Variants in NUP205 observed in about 807,000 individuals in gnomAD.
NUP205 encodes nucleoporin 205, also known as nuclear pore complex protein Nup205.
Under a neutral mutation model 253.8 loss-of-function variants are expected in NUP205, and 76 were observed. That is an observed-to-expected ratio of 0.30 (90% CI 0.25 to 0.36). The LOEUF (loss-of-function observed/expected upper bound fraction) is 0.36. NUP205 is among the 10% of genes least tolerant of loss of function. The probability of loss-of-function intolerance (pLI) is 1.00; values close to 1 mark genes in which losing one functional copy is unlikely to be tolerated. For synonymous variants in NUP205, 832 were observed against 850.1 expected, an observed-to-expected ratio of 0.98 and a Z score of 0.37; for missense variants, 2,162 against 2,425.5, an observed-to-expected ratio of 0.89 and a Z score of 2.28.
At position 135,606,234 on chromosome 7, in the gene NUP205, T is replaced by G; in HGVS notation, c.2905+8T>G. The G allele has an allele frequency of 6.4e-7, 1 of 1,559,100 alleles. No individual in the cohort carries two copies. The highest frequency in any genetic ancestry group is 8.8e-7 in the Non-Finnish European group (1 of 1,130,266). On this transcript the variant is annotated splice_region_variant and intron_variant, in intron 20 of 42. Coordinates refer to ENST00000285968, the MANE Select transcript of NUP205 (RefSeq NM_015135.3). ...TTGTACGTCTGGAAGAGGGTATGCC[T>G]TAGATTAATGTGCATACACGCATTC...
Position 135,619,474 on chromosome 7 carries a change from G to A in NUP205, c.4015G>A (p.Val1339Met). The A allele has an allele frequency of 6.2e-7, 1 of 1,613,746 alleles. No homozygotes were observed. The highest frequency in any genetic ancestry group is 8.5e-7 in the Non-Finnish European group (1 of 1,180,010). Residue 1339 changes from valine to methionine, a missense_variant, in exon 29 of 43, where the codon GTG (valine) becomes ATG (methionine). By Grantham distance (21) the Val-to-Met change is conservative. Transcript: ENST00000285968. The stretch of plus-strand genomic sequence containing the variant: ...GTTAATGCCTGTGGTCGCCGGGGCA[G>A]TGTTCACACTGACTGCTCACCTAAG... ...QELMPVVAGA[V>M]FTLTAHLSQA...
Position 135,617,672 on chromosome 7 carries a change from T to A in NUP205, c.3761T>A (p.Leu1254Gln), listed in dbSNP as rs1376123354. Residue 1254 changes from leucine to glutamine, a missense_variant, in exon 27 of 43, where the codon CTA becomes CAA. This residue lies in a region of NUP205 where 1,144 missense variants were observed against 1,280.9 expected (regional missense o/e 0.89). Transcript: ENST00000285968. ...ATGGCAGCCATAGGACAGAGACCTCTACTAATGGAGGTAAGCTCTATTGAG... is the reference window on the plus strand; with the variant it reads ...ATGGCAGCCATAGGACAGAGACCTCAACTAATGGAGGTAAGCTCTATTGAG... ...QGMAAIGQRPLLMEEISTVLQ... is the reference protein window; with the variant it reads ...QGMAAIGQRPQLMEEISTVLQ... The A allele has an allele frequency of 6.2e-7, 1 of 1,602,004 alleles. No individual in the cohort carries two copies. Among genetic ancestry groups the A allele is most frequent in the Non-Finnish European group, 8.6e-7 (1 of 1,169,212 alleles).
At chr7:135,578,145 T>A in intron 6 of NUP205, 121 bp downstream of exon 6, 3 of 641,988 alleles carry the variant, frequency 4.7e-6, no homozygotes, top group Non-Finnish European at 8.1e-6. Context: ...GTGTTTGCAG[T>A]CCGTTCATAT....
intron 15 of NUP205, among the ~76,000 whole-genome samples, chr7:135,600,664 T>G (rs1318609158): frequency 6.6e-6 from 1 of 152,226 alleles, no homozygotes; most frequent in Non-Finnish European, 1.5e-5. Context: ...TGAAAATATT[T>G]TACCTTGAAA....
intron 41 of NUP205, 86 bp downstream of exon 41, chr7:135,645,682 C>A: frequency 2.2e-6 from 3 of 1,358,756 alleles, no homozygotes; most frequent in Non-Finnish European, 2.0e-6. Context: ...ATTTTTGTTT[C>A]CAGATTACTT....
intron 30 of NUP205, among the ~76,000 whole-genome samples, chr7:135,620,402 A>C (rs1794450450): frequency 6.6e-6 from 1 of 152,144 alleles, no homozygotes; most frequent in Admixed American, 6.5e-5. Flanking sequence ...CCATGGTGGC[A>C]GGCATCTGTA....
intron 1 of NUP205, among the ~76,000 whole-genome samples, chr7:135,567,349 A>T (rs1002425371): frequency 3.4e-5 from 5 of 146,626 alleles, no homozygotes; most frequent in African/African-American, 1.3e-4. Context: ...TGGGAAGGCC[A>T]AGGTGGGCAG....
At chr7:135,648,228 A>G (rs1323978666) in intron 42 of NUP205, among the ~76,000 whole-genome samples, 176 bp from the exon 43 acceptor site, 1 of 152,258 alleles carries the variant, frequency 6.6e-6, no homozygotes, top group Non-Finnish European at 1.5e-5. Flanking sequence ...AAAAAATTCT[A>G]AGGTAGAAAA....
chr7:135,609,848 T>G (rs181945340), intron 22 of NUP205, among the ~76,000 whole-genome samples: 1 of 152,298 alleles, frequency 6.6e-6, no homozygotes, highest in African/African-American at 2.4e-5. Context: ...GGGAACAAAT[T>G]TGATGTACAT....
chr7:135,609,722 C>T (rs1437492852), intron 22 of NUP205, among the ~76,000 whole-genome samples: 1 of 152,038 alleles, frequency 6.6e-6, no homozygotes, highest in Admixed American at 6.5e-5. Context: ...TAATCTCCTG[C>T]TTTTCTTTTT....
At position 135,619,485 on chromosome 7, in the gene NUP205, G is replaced by C; in HGVS notation, c.4026G>C (p.Leu1342=). 3 of 1,613,932 alleles carry C rather than the reference G, an allele frequency of 1.9e-6. No individual in the cohort carries two copies. Among genetic ancestry groups the C allele is most frequent in the Non-Finnish European group, 2.5e-6 (3 of 1,180,020 alleles). Residue 1342 remains leucine, a synonymous_variant, in exon 29 of 43, where the codon CTG becomes CTC. Coordinates refer to ENST00000285968, the MANE Select transcript of NUP205 (RefSeq NM_015135.3). ...MPVVAGAVFT[L]TAHLSQAVLT... Reference sequence around the variant, plus strand: ...TGGTCGCCGGGGCAGTGTTCACACTGACTGCTCACCTAAGCCAGGCCGTCC... The same window carrying C: ...TGGTCGCCGGGGCAGTGTTCACACTCACTGCTCACCTAAGCCAGGCCGTCC...
intron 34 of NUP205, among the ~76,000 whole-genome samples, chr7:135,629,944 G>A (rs1440277052): frequency 3.3e-5 from 5 of 152,120 alleles, no homozygotes; most frequent in Non-Finnish European, 7.4e-5. Flanking sequence ...GAATTCACTA[G>A]TCATTTTTAT....
chr7:135,601,226 A>G (rs1275527214), intron 16 of NUP205, 144 bp from the exon 17 acceptor site: 3 of 735,404 alleles, frequency 4.1e-6, no homozygotes, highest in Non-Finnish European at 6.6e-6. Flanking sequence ...CCTTAGGAGA[A>G]TTACTGCTGT....
chr7:135,607,335 G>A lies in NUP205; in HGVS notation c.3159G>A (p.Val1053=). 2 of 1,614,032 alleles carry A rather than the reference G, an allele frequency of 1.2e-6. No homozygotes were observed. The highest frequency in any genetic ancestry group is 2.2e-5 in the East Asian group (1 of 44,870). Residue 1053 remains valine (V), a synonymous_variant, in exon 22 of 43, where the codon GTG becomes GTA. Transcript: ENST00000285968. ...AAGGGAGAACAGGCCCAGTGGCGGT[G>A]CGAGAATCTCCTCAGCTGGCTGAGC... The part of the protein sequence containing the change: ...GTEGRTGPVA[V]RESPQLAELC...
At position 135,639,548 on chromosome 7, in the gene NUP205, G is replaced by A. The variant is rs933297247; in HGVS notation, c.5392+865G>A. 9.9e-5 allele frequency among the ~76,000 whole-genome samples: 15 copies of A among 152,002 alleles called. 1 individual carries two copies. The highest frequency in any genetic ancestry group is 6.8e-3 in the Middle Eastern group (2 of 294). On this transcript the variant is annotated intron_variant, in intron 38 of 42. Coordinates refer to ENST00000285968, the MANE Select transcript of NUP205 (RefSeq NM_015135.3). Reference sequence around the variant, plus strand: ...CTTCTAAAAATACAACAAGTTAGCCGGGTGCAGTGGCGCGCGCCTGTAATC... The same window carrying A: ...CTTCTAAAAATACAACAAGTTAGCCAGGTGCAGTGGCGCGCGCCTGTAATC...
chr7:135,587,055 GTT>G (rs541860736), intron 8 of NUP205, among the ~76,000 whole-genome samples: 5,090 of 141,366 alleles, frequency 0.036, 110 homozygotes, highest in Middle Eastern at 0.11. Flanking sequence ...GTCTAGCTAT[GTT>G]TTTTTTTTTT....
At chr7:135,571,279 A>G in intron 2 of NUP205, 32 bp downstream of exon 2, 1 of 1,071,280 alleles carries the variant, frequency 9.3e-7, no homozygotes, top group African/African-American at 1.7e-5. Context: ...TTTTTTTGGG[A>G]TTTTTTTTTT....
At chr7:135,626,433 CAT>C in intron 33 of NUP205, 72 bp downstream of exon 33, 1 of 1,513,346 alleles carries the variant, frequency 6.6e-7, no homozygotes, top group Non-Finnish European at 9.0e-7. Flanking sequence ...AAATTCCAAA[CAT>C]AATTTTGCCG....
Position 135,626,237 on chromosome 7 carries a change from C to G in NUP205, c.4672-3C>G, listed in dbSNP as rs748906902. 6.2e-7 allele frequency: 1 copy of G among 1,614,062 alleles called. No homozygotes were observed. Among genetic ancestry groups the G allele is most frequent in the Non-Finnish European group, 8.5e-7 (1 of 1,179,986 alleles). On this transcript the variant is annotated splice_region_variant and splice_polypyrimidine_tract_variant and intron_variant, in intron 32 of 42. Transcript: ENST00000285968. Reference sequence around the variant, plus strand: ...TGATGATTTTTCTCTTGTAACTCCTCAGGCATTTCTCACAAGAGTGGCAAA... The same window carrying G: ...TGATGATTTTTCTCTTGTAACTCCTGAGGCATTTCTCACAAGAGTGGCAAA...
Sources: allele counts gnomAD v4.1 joint callset (sites outside exome capture counted in the v4.1 genomes callset), GRCh38; gene constraint gnomAD v4.1.1; regional missense constraint gnomAD v4.1.1; transcripts MANE v1.5; gene names NCBI Gene and HGNC (gene_info 2026-07-23, HGNC 2026-07-21).